FSTL4: variants seen among roughly 807,000 people sequenced by gnomAD.
The protein encoded by FSTL4 is follistatin-related protein 4.
In FSTL4, 28 loss-of-function variants were observed where a neutral mutation model predicts 78.2. The ratio of observed to expected loss-of-function variants is 0.36; its 90% CI spans 0.27 to 0.49. The LOEUF (loss-of-function observed/expected upper bound fraction) is 0.49. Ranked by LOEUF, FSTL4 falls within the 20% of genes least tolerant of loss-of-function variation. The probability of loss-of-function intolerance (pLI) is 0.98; values close to 1 mark genes in which losing one functional copy is unlikely to be tolerated. For synonymous variants in FSTL4, 422 were observed against 440.5 expected (o/e 0.96, Z 0.53); for missense variants, 922 against 1,084.9 (o/e 0.85, Z 2.11).
chr5:133,311,247 C>T (rs906294862), intron 6 of FSTL4, among the ~76,000 whole-genome samples: 1 of 152,164 alleles, frequency 6.6e-6, no homozygotes, highest in East Asian at 1.9e-4. Flanking sequence ...CTTTGGCCCA[C>T]AAGACAAACA....
Position 133,268,574 on chromosome 5 carries a change from T to C in FSTL4, c.728-18998A>G, listed in dbSNP as rs182905417. Among the ~76,000 whole-genome samples, 451 of 152,288 alleles carry C rather than the reference T, an allele frequency of 3.0e-3. 2 individuals carry two copies. The highest frequency in any genetic ancestry group is 0.01 in the African/African-American group (435 of 41,560). ...TCATTTGTCTTGGTAGCCCGGCTTC[T>C]GCAGGAGCATGGTCCAAGTGCAAAC... On this transcript the variant is annotated intron_variant, in intron 6 of 15. Coordinates refer to ENST00000265342, the MANE Select transcript of FSTL4 (RefSeq NM_015082.2).
At chr5:133,825,724 T>G in the FSTL4 span, among the ~76,000 whole-genome samples, 10,098 of 152,270 alleles carry the variant, frequency 0.066, 454 homozygotes, top group Admixed American at 0.13. Context: ...TGGACTGGAC[T>G]TGTGCCAGGG....
chr5:133,236,673 C>T lies in FSTL4; in HGVS notation c.895-3136G>A, dbSNP rs569903433. Among the ~76,000 whole-genome samples the T allele has an allele frequency of 1.3e-3, 191 of 152,344 alleles. No individual in the cohort carries two copies. The highest frequency in any genetic ancestry group is 2.1e-3 in the Non-Finnish European group (146 of 68,042). Reference sequence around the variant, plus strand: ...AGAGCCTTGTTTGCTGGGGGCCAGCCCCTCTCAGACCCTACTGCCTCGCAC... The same window carrying T: ...AGAGCCTTGTTTGCTGGGGGCCAGCTCCTCTCAGACCCTACTGCCTCGCAC... On this transcript the variant is annotated intron_variant, in intron 7 of 15. Coordinates refer to ENST00000265342, the MANE Select transcript of FSTL4 (RefSeq NM_015082.2). The surrounding 1 kb of genome is among the most constrained non-coding windows in gnomAD (Gnocchi z 5.0).
At chr5:133,775,716 TTC>T in the FSTL4 span, among the ~76,000 whole-genome samples, 1 of 152,188 alleles carries the variant, frequency 6.6e-6, no homozygotes, top group Non-Finnish European at 1.5e-5. Flanking sequence ...GATTCACCAC[TTC>T]TGTCTTGACC....
At chr5:133,344,110 G>A (rs995001866) in intron 4 of FSTL4, among the ~76,000 whole-genome samples, 9 of 152,114 alleles carry the variant, frequency 5.9e-5, no homozygotes, top group African/African-American at 2.2e-4. Context: ...AATTCTTATA[G>A]GCCTGAGACA....
At chr5:133,454,630 T>G (rs1181011452) in intron 3 of FSTL4, among the ~76,000 whole-genome samples, 2 of 152,198 alleles carry the variant, frequency 1.3e-5, no homozygotes, top group African/African-American at 4.8e-5. Flanking sequence ...ACACGTTAGC[T>G]GGGAACATTT....
intron 3 of FSTL4, among the ~76,000 whole-genome samples, chr5:133,464,393 A>G (rs1305924619): frequency 1.3e-5 from 2 of 152,156 alleles, no homozygotes; most frequent in African/African-American, 4.8e-5. Flanking sequence ...CCACCCCCAC[A>G]CCACCAAATA....
chr5:133,790,309 C>T, the FSTL4 span, among the ~76,000 whole-genome samples: 38 of 152,312 alleles, frequency 2.5e-4, no homozygotes, highest in African/African-American at 9.1e-4. Flanking sequence ...GGATAATTTA[C>T]TTAACCCCTC....
chr5:133,384,646 G>C (rs538111151), intron 4 of FSTL4, among the ~76,000 whole-genome samples: 1 of 152,132 alleles, frequency 6.6e-6, no homozygotes, highest in Non-Finnish European at 1.5e-5. Context: ...GAATGTCCTC[G>C]ATGCCTCCTG....
chr5:133,829,548 GAGA>G, the FSTL4 span, among the ~76,000 whole-genome samples: 1 of 152,130 alleles, frequency 6.6e-6, no homozygotes, highest in African/African-American at 2.4e-5. Context: ...AGTGAGTAGG[GAGA>G]AGAATTAGAC....
the FSTL4 span, among the ~76,000 whole-genome samples, chr5:133,693,076 G>A: frequency 1.3e-5 from 2 of 152,206 alleles, no homozygotes; most frequent in African/African-American, 2.4e-5. Context: ...GAATGAGTAT[G>A]AACTAAACAC....
intron 3 of FSTL4, among the ~76,000 whole-genome samples, chr5:133,462,334 T>G (rs57959709): frequency 0.27 from 41,613 of 152,182 alleles, 6,002 homozygotes; most frequent in Admixed American, 0.33. Context: ...CCCTGGAGAA[T>G]TCCTAGGAAA....
At chr5:133,232,165 G>A (rs1418897819) in intron 8 of FSTL4, among the ~76,000 whole-genome samples, 2 of 152,156 alleles carry the variant, frequency 1.3e-5, no homozygotes, top group East Asian at 1.9e-4. Flanking sequence ...TATAAATCAC[G>A]TCAGTGCTCG....
intron 4 of FSTL4, among the ~76,000 whole-genome samples, chr5:133,336,976 T>C (rs1258209450): frequency 2.0e-5 from 3 of 152,196 alleles, no homozygotes. Flanking sequence ...TCAAGACCTG[T>C]GACCACTAAT....
chr5:133,730,926 A>G, the FSTL4 span, among the ~76,000 whole-genome samples: 1 of 152,178 alleles, frequency 6.6e-6, no homozygotes, highest in Non-Finnish European at 1.5e-5. Context: ...CCAAGAGAAG[A>G]AGAGAGATGG....
chr5:133,402,050 C>A (rs1353470324), intron 3 of FSTL4, among the ~76,000 whole-genome samples: 1 of 152,082 alleles, frequency 6.6e-6, no homozygotes, highest in Non-Finnish European at 1.5e-5. Context: ...CTGGCCATTT[C>A]CTTGGGGGAG....
intron 3 of FSTL4, among the ~76,000 whole-genome samples, chr5:133,485,082 C>T (rs150505657): frequency 2.0e-3 from 312 of 152,280 alleles, no homozygotes; most frequent in Middle Eastern, 0.01. Flanking sequence ...TGACAGTAAC[C>T]ATAAATTTTG....
intron 1 of FSTL4, among the ~76,000 whole-genome samples, chr5:133,605,973 G>C (rs538115243): frequency 6.6e-6 from 1 of 152,204 alleles, no homozygotes; most frequent in African/African-American, 2.4e-5. Context: ...CGGCAGTCAC[G>C]GCACTCCCTC....
At chr5:133,502,057 TTAG>T (rs1758509191) in intron 3 of FSTL4, among the ~76,000 whole-genome samples, 4 of 152,188 alleles carry the variant, frequency 2.6e-5, no homozygotes, top group Non-Finnish European at 4.4e-5. Context: ...GCCTCCTTTC[TTAG>T]AGGCTTTGGA....
Sources: allele counts gnomAD v4.1 joint callset (sites outside exome capture counted in the v4.1 genomes callset), GRCh38; gene constraint gnomAD v4.1.1; non-coding constraint Gnocchi (gnomAD v3.1); transcripts MANE v1.5; gene names NCBI Gene and HGNC (gene_info 2026-07-23, HGNC 2026-07-21).